Variants in STAU1 observed in about 807,000 individuals in gnomAD.
The protein encoded by STAU1 is staufen double-stranded RNA binding protein 1.
Under a neutral mutation model 62.9 loss-of-function variants are expected in STAU1, and 13 were observed. The ratio of observed to expected loss-of-function variants is 0.21; its 90% CI spans 0.13 to 0.33. The LOEUF (loss-of-function observed/expected upper bound fraction) is 0.33. STAU1 is among the 10% of genes least tolerant of loss of function. STAU1 has a pLI of 1.00. For missense variants in STAU1, 571 were observed against 712.1 expected (o/e 0.80, Z 2.25); for synonymous variants, 269 against 265.1 (o/e 1.01, Z -0.14).
At position 49,124,492 on chromosome 20, in the gene STAU1, C is replaced by A; in HGVS notation, c.705G>T (p.Lys235Asn). 6.2e-7 allele frequency: 1 copy of A among 1,614,144 alleles called. No individual in the cohort carries two copies. Residue 235 changes from lysine (K) to asparagine (N), a missense_variant, in exon 7 of 14, where the codon AAG becomes AAT. Physicochemically the swap from Lys to Asn is moderately conservative, Grantham distance 94. Around this residue, in one of 3 missense-constraint regions of STAU1, gnomAD observed 414 missense variants for 499.6 expected, o/e 0.83. Coordinates refer to ENST00000371856, the MANE Select transcript of STAU1 (RefSeq NM_017453.4). ...CTATGGCGGCATTTTTCTTTGAAAT[C>A]TTCTTGCTTTTCCCTTCACCTTCCC... ...FVGEGEGKSKKISKKNAAIAV... is the reference protein window; with the variant it reads ...FVGEGEGKSKNISKKNAAIAV...
intron 5 of STAU1, among the ~76,000 whole-genome samples, chr20:49,149,250 A>AC (rs2093192049): frequency 1.8e-5 from 2 of 110,828 alleles, no homozygotes; most frequent in South Asian, 3.1e-4. Flanking sequence ...GACTGTCTCA[A>AC]AACACACACA....
intron 1 of STAU1, among the ~76,000 whole-genome samples, chr20:49,176,657 TAAC>T (rs1459098241): frequency 8.5e-5 from 13 of 152,326 alleles, no homozygotes; most frequent in African/African-American, 3.1e-4. Context: ...TATATTATAC[TAAC>T]AACTTTCCAG....
intron 6 of STAU1, among the ~76,000 whole-genome samples, chr20:49,126,097 C>T (rs1326998350): frequency 6.6e-6 from 1 of 151,756 alleles, no homozygotes; most frequent in East Asian, 1.9e-4. Context: ...ATGCACAACT[C>T]TCAGAAGCAA....
intron 1 of STAU1, among the ~76,000 whole-genome samples, chr20:49,184,536 G>A (rs984179714): frequency 6.6e-6 from 1 of 151,886 alleles, no homozygotes; most frequent in African/African-American, 2.4e-5. Context: ...TCCACAGACA[G>A]TTTTTTTTCT....
At chr20:49,183,018 A>G (rs1299283319) in intron 1 of STAU1, among the ~76,000 whole-genome samples, 1 of 152,212 alleles carries the variant, frequency 6.6e-6, no homozygotes, top group Non-Finnish European at 1.5e-5. Flanking sequence ...ATGTCCTCTC[A>G]TAGTTCAACT....
chr20:49,174,888 C>T (rs1361904964), intron 1 of STAU1, among the ~76,000 whole-genome samples: 2 of 146,558 alleles, frequency 1.4e-5, no homozygotes, highest in Non-Finnish European at 3.0e-5. Context: ...GAGCAGAGAT[C>T]GCACCACTGC....
intron 3 of STAU1, among the ~76,000 whole-genome samples, chr20:49,154,318 A>G (rs1405225434): frequency 6.6e-6 from 1 of 152,328 alleles, no homozygotes; most frequent in East Asian, 1.9e-4. Context: ...AATTTAACCC[A>G]AGACATTATC....
At chr20:49,211,773 G>A in the STAU1 span, among the ~76,000 whole-genome samples, 1 of 152,014 alleles carries the variant, frequency 6.6e-6, no homozygotes, top group Non-Finnish European at 1.5e-5. Context: ...CTCCCAAAGT[G>A]CTGAGATTAT....
intron 13 of STAU1, 71 bp from the exon 14 acceptor site, chr20:49,114,964 A>G (rs1232808633): frequency 2.8e-5 from 42 of 1,520,396 alleles, no homozygotes; most frequent in Non-Finnish European, 3.8e-5. Flanking sequence ...TTAAAAATGA[A>G]AAGAAATTGG....
intron 3 of STAU1, 79 bp from the exon 4 acceptor site, chr20:49,154,150 C>T (rs2093317107): frequency 2.1e-6 from 3 of 1,408,312 alleles, no homozygotes; most frequent in East Asian, 2.4e-5. Context: ...TAATAGCATG[C>T]TTTCTGCTAA....
intron 8 of STAU1, among the ~76,000 whole-genome samples, chr20:49,120,773 T>G (rs1426389749): frequency 6.6e-6 from 1 of 152,206 alleles, no homozygotes; most frequent in Non-Finnish European, 1.5e-5. Flanking sequence ...TGATGTTACA[T>G]GTCTTCATTG....
At chr20:49,173,386 G>C (rs1378570944) in intron 2 of STAU1, among the ~76,000 whole-genome samples, 1 of 152,126 alleles carries the variant, frequency 6.6e-6, no homozygotes, top group Non-Finnish European at 1.5e-5. Context: ...GAACCCAGGA[G>C]GCCGAGGTGA....
At chr20:49,126,286 G>A (rs575849937) in intron 6 of STAU1, among the ~76,000 whole-genome samples, 11 of 151,924 alleles carry the variant, frequency 7.2e-5, no homozygotes, top group African/African-American at 2.7e-4. Context: ...ATCAGGCTGG[G>A]CAGGGTGGCT....
the STAU1 span, among the ~76,000 whole-genome samples, chr20:49,213,317 G>A: frequency 2.0e-5 from 3 of 151,756 alleles, no homozygotes; most frequent in African/African-American, 7.3e-5. Flanking sequence ...TGCAACCTCC[G>A]CCTCCTGGAT....
the STAU1 span, among the ~76,000 whole-genome samples, chr20:49,197,396 T>G: frequency 7.3e-6 from 1 of 136,080 alleles, no homozygotes; most frequent in Non-Finnish European, 1.5e-5. Context: ...TTTTCTTTTC[T>G]TTTTCTTTTC....
At chr20:49,121,046 G>A (rs926168627) in intron 8 of STAU1, among the ~76,000 whole-genome samples, 1 of 152,036 alleles carries the variant, frequency 6.6e-6, no homozygotes, top group Admixed American at 6.5e-5. Flanking sequence ...CCGTCATGCT[G>A]GGATTACAGG....
At chr20:49,161,280 T>C (rs1056462952) in intron 3 of STAU1, among the ~76,000 whole-genome samples, 1 of 151,802 alleles carries the variant, frequency 6.6e-6, no homozygotes, top group Non-Finnish European at 1.5e-5. Flanking sequence ...TGAGACATGA[T>C]CACACCACTC....
At chr20:49,162,119 C>T (rs2093458301) in intron 3 of STAU1, among the ~76,000 whole-genome samples, 1 of 152,188 alleles carries the variant, frequency 6.6e-6, no homozygotes, top group Non-Finnish European at 1.5e-5. Flanking sequence ...ATCTTCCATA[C>T]AGTGAAACTC....
At chr20:49,152,971 C>T (rs968002442) in intron 4 of STAU1, among the ~76,000 whole-genome samples, 1 of 152,122 alleles carries the variant, frequency 6.6e-6, no homozygotes. Flanking sequence ...CACAAAGGAG[C>T]CGGGCGTGGT....
Sources: gnomAD v4.1 joint callset for allele counts (sites outside exome capture counted in the v4.1 genomes callset) on GRCh38, gnomAD v4.1.1 for gene constraint, gnomAD v4.1.1 regional missense constraint, MANE v1.5 for transcripts, NCBI Gene and HGNC (gene_info 2026-07-23, HGNC 2026-07-21) for gene names.